CADM1: variants seen among roughly 807,000 people sequenced by gnomAD.
The protein encoded by CADM1 is cell adhesion molecule 1, also known as TSLC-1.
In CADM1, 15 loss-of-function variants were observed where a neutral mutation model predicts 53.1. The observed-to-expected ratio is 0.28, with a 90% CI of 0.19 to 0.44. CADM1 has a LOEUF of 0.44. Ranked by LOEUF, CADM1 falls within the 20% of genes least tolerant of loss-of-function variation. The pLI, the probability that CADM1 is intolerant of heterozygous loss-of-function variation, is 1.00. For synonymous variants in CADM1, 281 were observed against 243.0 expected (o/e 1.16, Z -1.45); for missense variants, 434 against 611.3 (o/e 0.71, Z 3.06).
chr11:115,372,985 A>G, intron 1 of CADM1, among the ~76,000 whole-genome samples: 1 of 152,246 alleles, frequency 6.6e-6, no homozygotes. Context: ...CTAAGAGGAA[A>G]GAAAAGGAAC....
Position 115,175,426 on chromosome 11 carries a change from C to A in CADM1, c.*1048G>T. 1.0e-6 allele frequency: 1 copy of A among 984,832 alleles called. No homozygotes were observed. Among genetic ancestry groups the A allele is most frequent in the Non-Finnish European group, 1.2e-6 (1 of 829,786 alleles). 61.0% of individuals were successfully genotyped at this position (984,832 alleles called of 1,614,324 possible). On this transcript the variant is annotated 3_prime_UTR_variant, in exon 12 of 12. Transcript: ENST00000331581. ...CCCATTCAGTCATTCGCACAACAGA[C>A]GAACTTGCTTTTTCCTACAAATTAG...
intron 1 of CADM1, chr11:115,340,082 A>C (rs1052300567): frequency 6.6e-6 from 1 of 152,142 alleles, no homozygotes; most frequent in Non-Finnish European, 1.5e-5. Context: ...CAAATTACCC[A>C]GCTGCCATAA....
chr11:115,426,628 G>C (rs1435189085), intron 1 of CADM1, among the ~76,000 whole-genome samples: 1 of 152,118 alleles, frequency 6.6e-6, no homozygotes, highest in African/African-American at 2.4e-5. Context: ...GCTAAGACAA[G>C]GTCACTCACT....
In CADM1 at chr11:115,334,444, A is replaced by AAATTGATGAGTACAGTACTCATC. The variant is rs145928088; in HGVS notation, c.125-94047_125-94025dup. Among the ~76,000 whole-genome samples, 556 of 151,976 alleles carry AAATTGATGAGTACAGTACTCATC rather than the reference A, an allele frequency of 3.7e-3. 4 individuals carry two copies. Among genetic ancestry groups the AAATTGATGAGTACAGTACTCATC allele is most frequent in the African/African-American group, 9.8e-3 (407 of 41,396 alleles). ...TTACCCTGGGCCAATGGGGGTCTAA[A>AAATTGATGAGTACAGTACTCATC]AATTGATGAGTACAGTACTCATCAA... On this transcript the variant is annotated intron_variant, in intron 1 of 11. Coordinates refer to ENST00000331581, the MANE Select transcript of CADM1 (RefSeq NM_001301043.2).
At chr11:115,248,198 G>T (rs981396319) in intron 1 of CADM1, among the ~76,000 whole-genome samples, 8 of 152,170 alleles carry the variant, frequency 5.3e-5, no homozygotes, top group Non-Finnish European at 1.2e-4. Context: ...CATACAGGAT[G>T]GGTATCTCTT....
chr11:115,253,860 GCT>G (rs1942688252), intron 1 of CADM1, among the ~76,000 whole-genome samples: 1 of 152,164 alleles, frequency 6.6e-6, no homozygotes, highest in South Asian at 2.1e-4. Context: ...TACATGGATA[GCT>G]CTGTGATTAT....
chr11:115,377,712 A>T (rs1166078315), intron 1 of CADM1: 1 of 152,200 alleles, frequency 6.6e-6, no homozygotes, highest in Admixed American at 6.5e-5. Flanking sequence ...TTTTTTCTGA[A>T]TGAATCTAGA....
intron 1 of CADM1, among the ~76,000 whole-genome samples, chr11:115,480,759 A>T (rs1348420817): frequency 6.6e-6 from 1 of 151,914 alleles, no homozygotes; most frequent in Non-Finnish European, 1.5e-5. Flanking sequence ...GCTCCATCTC[A>T]CCATCAACAG....
At chr11:115,250,967 A>G (rs2134972169) in intron 1 of CADM1, among the ~76,000 whole-genome samples, 1 of 152,358 alleles carries the variant, frequency 6.6e-6, no homozygotes, top group Non-Finnish European at 1.5e-5. Context: ...AAGGAGAACT[A>G]ATGAATGAAT....
intron 1 of CADM1, among the ~76,000 whole-genome samples, chr11:115,422,852 T>G (rs1263419297): frequency 6.6e-6 from 1 of 152,140 alleles, no homozygotes; most frequent in African/African-American, 2.4e-5. Flanking sequence ...AAACTGTACA[T>G]TTTTCTGACA....
At chr11:115,257,432 C>T (rs1268841935) in intron 1 of CADM1, among the ~76,000 whole-genome samples, 1 of 152,174 alleles carries the variant, frequency 6.6e-6, no homozygotes, top group African/African-American at 2.4e-5. Flanking sequence ...ATTCACTGTC[C>T]AGACTGGAAG....
chr11:115,382,192 C>A (rs964521139), intron 1 of CADM1, among the ~76,000 whole-genome samples: 1 of 152,084 alleles, frequency 6.6e-6, no homozygotes, highest in African/African-American at 2.4e-5. Context: ...AAAGAAGATA[C>A]AGCCCAACAA....
intron 1 of CADM1, chr11:115,397,740 A>C (rs1947039205): frequency 7.6e-6 from 1 of 131,666 alleles, no homozygotes; most frequent in Non-Finnish European, 1.6e-5. Flanking sequence ...ATGACTAGGA[A>C]GTGTACCATA....
intron 1 of CADM1, among the ~76,000 whole-genome samples, chr11:115,390,278 C>G (rs1012587602): frequency 1.3e-5 from 2 of 151,916 alleles, no homozygotes; most frequent in African/African-American, 4.8e-5. Context: ...TATGTTCAAG[C>G]TGAAATTCTC....
At chr11:115,271,573 C>T (rs957729304) in intron 1 of CADM1, among the ~76,000 whole-genome samples, 6 of 152,196 alleles carry the variant, frequency 3.9e-5, no homozygotes, top group African/African-American at 7.2e-5. Flanking sequence ...TGAGCCACCG[C>T]GCCCAGCCTA....
At chr11:115,329,782 A>G (rs558387771) in intron 1 of CADM1, among the ~76,000 whole-genome samples, 36 of 152,140 alleles carry the variant, frequency 2.4e-4, no homozygotes, top group African/African-American at 8.4e-4. Flanking sequence ...TTATTGCTGG[A>G]TGGAGATGGC....
chr11:115,289,123 G>A (rs1186110916), intron 1 of CADM1, among the ~76,000 whole-genome samples: 1 of 152,212 alleles, frequency 6.6e-6, no homozygotes, highest in African/African-American at 2.4e-5. Context: ...CCAGCACTCT[G>A]AGAGGCCGAG....
At chr11:115,186,440 C>T (rs1031825615) in intron 10 of CADM1, among the ~76,000 whole-genome samples, 9 of 152,204 alleles carry the variant, frequency 5.9e-5, no homozygotes, top group East Asian at 5.8e-4. Context: ...TCCCCGGGTG[C>T]GCACAGTGAA....
At chr11:115,406,529 CATT>C (rs1369510641) in intron 1 of CADM1, among the ~76,000 whole-genome samples, 6 of 147,776 alleles carry the variant, frequency 4.1e-5, no homozygotes, top group South Asian at 2.1e-4. Context: ...TATATTTATA[CATT>C]ATAATTATAT....
Sources: gnomAD v4.1 joint callset for allele counts (sites outside exome capture counted in the v4.1 genomes callset) on GRCh38, gnomAD v4.1.1 for gene constraint, MANE v1.5 for transcripts, NCBI Gene and HGNC (gene_info 2026-07-23, HGNC 2026-07-21) for gene names.